Variants in CNTN3 observed in about 807,000 individuals in gnomAD.
CNTN3 encodes contactin-3.
In CNTN3, 60 loss-of-function variants were observed where a neutral mutation model predicts 119.1. That is an observed-to-expected ratio of 0.50 (90% CI 0.41 to 0.62). The LOEUF (loss-of-function observed/expected upper bound fraction) is 0.62, where lower values mean the gene tolerates loss of function less well. Ranked by LOEUF, CNTN3 falls within the 20% of genes least tolerant of loss-of-function variation. CNTN3 has a pLI of 0.00. For synonymous variants in CNTN3, 450 were observed against 438.7 expected (o/e 1.03, Z -0.32); for missense variants, 1,101 against 1,242.4 (o/e 0.89, Z 1.71).
At chr3:74,276,298 T>C (rs1293592719) in intron 20 of CNTN3, among the ~76,000 whole-genome samples, 1 of 152,110 alleles carries the variant, frequency 6.6e-6, no homozygotes, top group Non-Finnish European at 1.5e-5. Context: ...CCTTAACAGA[T>C]ATATACGGAA....
In CNTN3 at chr3:74,330,904, A is replaced by T. The variant is rs557141990; in HGVS notation, c.1668+3831T>A. Reference sequence around the variant, plus strand: ...CCTTATTGACTAAGGATATAAATAAAATATTTTTGTATAGCTGTACAATGT... The same window carrying T: ...CCTTATTGACTAAGGATATAAATAATATATTTTTGTATAGCTGTACAATGT... On this transcript the variant is annotated intron_variant, in intron 13 of 22. Transcript: ENST00000263665. Among the ~76,000 whole-genome samples, 4 of 152,326 alleles carry T rather than the reference A, an allele frequency of 2.6e-5. No homozygotes were observed. The South Asian group carries it at 8.3e-4, about 32-fold the overall frequency.
intron 5 of CNTN3, among the ~76,000 whole-genome samples, chr3:74,386,992 C>G (rs1466639895): frequency 1.3e-5 from 2 of 152,158 alleles, no homozygotes; most frequent in African/African-American, 4.8e-5. Context: ...AAAATGGTGT[C>G]TGAGGCGGCA....
At chr3:74,394,398 C>G (rs1279931966) in intron 5 of CNTN3, among the ~76,000 whole-genome samples, 1 of 152,096 alleles carries the variant, frequency 6.6e-6, no homozygotes, top group Admixed American at 6.5e-5. Flanking sequence ...ACAGAAATAG[C>G]TGACTTAATT....
chr3:74,289,783 A>T (rs1012903073), intron 19 of CNTN3, among the ~76,000 whole-genome samples: 3 of 152,192 alleles, frequency 2.0e-5, no homozygotes, highest in Admixed American at 1.3e-4. Flanking sequence ...CAGTTATTCA[A>T]TCAACATATA....
intron 1 of CNTN3, among the ~76,000 whole-genome samples, chr3:74,603,575 C>A (rs1041375295): frequency 6.6e-6 from 1 of 152,060 alleles, no homozygotes; most frequent in Admixed American, 6.6e-5. Context: ...CCGACTGTTA[C>A]ATTTATACAA....
chr3:74,491,650 T>G (rs1702966726), intron 3 of CNTN3, among the ~76,000 whole-genome samples: 1 of 152,188 alleles, frequency 6.6e-6, no homozygotes, highest in Non-Finnish European at 1.5e-5. Flanking sequence ...CTGGGCTTCA[T>G]GAACACAACA....
chr3:74,267,329 T>A lies in CNTN3; in HGVS notation c.2754A>T (p.Lys918Asn), dbSNP rs1290980503. 7.4e-6 allele frequency: 12 copies of A among 1,613,416 alleles called. No homozygotes were observed. The highest frequency in any genetic ancestry group is 1.3e-5 in the African/African-American group (1 of 74,988). ...TAACTTGCTCCCAATTAAGTAACAC[T>A]TTAGTGTCTGTGGCATTCCAAACAA... Reference protein sequence around the residue: ...GNVVWNATDTKVLLNWEQVKA... With the variant: ...GNVVWNATDTNVLLNWEQVKA... The change falls in exon 21 of 23, where the codon AAA becomes AAT. Residue 918 changes from lysine (K) to asparagine (N), a missense_variant. By Grantham distance (94) the Lys-to-Asn change is moderately conservative. Coordinates refer to ENST00000263665, the MANE Select transcript of CNTN3 (RefSeq NM_020872.3).
chr3:74,346,361 G>T lies in CNTN3; in HGVS notation c.1365-9703C>A, dbSNP rs768682001. On this transcript the variant is annotated intron_variant, in intron 11 of 22. Coordinates refer to ENST00000263665, the MANE Select transcript of CNTN3 (RefSeq NM_020872.3). ...TAATCTCTCTTCTTTTCCAAAACAGGATAGATTTTTATATATTCCTTCTCA... is the reference window on the plus strand; with the variant it reads ...TAATCTCTCTTCTTTTCCAAAACAGTATAGATTTTTATATATTCCTTCTCA... Among the ~76,000 whole-genome samples the T allele has an allele frequency of 4.6e-5, 7 of 151,848 alleles. No homozygotes were observed. In the South Asian group the frequency reaches 1.0e-3, roughly 23 times the overall value.
intron 1 of CNTN3, among the ~76,000 whole-genome samples, chr3:74,600,424 G>T (rs1350701746): frequency 6.6e-6 from 1 of 152,016 alleles, no homozygotes; most frequent in Non-Finnish European, 1.5e-5. Context: ...AATGAAAAAT[G>T]CACTGCTTCT....
In CNTN3 at chr3:74,349,789, G is replaced by A. The variant is rs190657995; in HGVS notation, c.1364+12101C>T. ...TTGGTCTATGGTTAAATGCATGTGG[G>A]ATTTTTGGGCCTGAGTGAGAAATGC... is the stretch of plus-strand genomic sequence containing the variant. On this transcript the variant is annotated intron_variant, in intron 11 of 22. Transcript: ENST00000263665. 4.9e-4 allele frequency among the ~76,000 whole-genome samples: 74 copies of A among 152,310 alleles called. No individual in the cohort carries two copies. In the East Asian group the frequency reaches 0.011, roughly 23 times the overall value.
Position 74,551,316 on chromosome 3 carries a change from A to T in CNTN3, c.-80-30124T>A, listed in dbSNP as rs547027835. 5.9e-5 allele frequency among the ~76,000 whole-genome samples: 9 copies of T among 152,258 alleles called. No homozygotes were observed. In the East Asian group the frequency reaches 1.7e-3, roughly 29 times the overall value. Reference sequence around the variant, plus strand: ...AAGAGGTATAGGGTCACTTTTTATTAATAGGTTTTATTTTTAGTGGAGTGT... The same window carrying T: ...AAGAGGTATAGGGTCACTTTTTATTTATAGGTTTTATTTTTAGTGGAGTGT... On this transcript the variant is annotated intron_variant, in intron 1 of 22. Transcript: ENST00000263665.
At chr3:74,598,278 C>A (rs1704846327) in intron 1 of CNTN3, among the ~76,000 whole-genome samples, 1 of 151,982 alleles carries the variant, frequency 6.6e-6, no homozygotes, top group Admixed American at 6.6e-5. Context: ...AAGTGAGAGA[C>A]ACCAAGCCAT....
At position 74,565,203 on chromosome 3, in the gene CNTN3, C is replaced by T. The variant is rs530891154; in HGVS notation, c.-80-44011G>A. On this transcript the variant is annotated intron_variant, in intron 1 of 22. Transcript: ENST00000263665. The stretch of plus-strand genomic sequence containing the variant: ...CCTTAGTGTCCAGGAGGTCAGAAGT[C>T]TGAAACTGTCTTCTAGGCAAATTCA... Among the ~76,000 whole-genome samples the T allele has an allele frequency of 4.6e-5, 7 of 152,296 alleles. No individual in the cohort carries two copies. In the South Asian group the frequency reaches 1.4e-3, roughly 32 times the overall value.
At chr3:74,479,515 A>G (rs1190295056) in intron 4 of CNTN3, among the ~76,000 whole-genome samples, 1 of 152,180 alleles carries the variant, frequency 6.6e-6, no homozygotes, top group Non-Finnish European at 1.5e-5. Context: ...CATATTATTC[A>G]TACTAAGTTA....
At chr3:74,301,367 TA>T in intron 16 of CNTN3, 30 bp downstream of exon 16, 1 of 1,602,306 alleles carries the variant, frequency 6.2e-7, no homozygotes, top group East Asian at 2.2e-5. Context: ...AGAAATCTAT[TA>T]ATCCATTACT....
intron 4 of CNTN3, among the ~76,000 whole-genome samples, chr3:74,454,138 G>C (rs573709340): frequency 1.6e-5 from 2 of 124,412 alleles, no homozygotes; most frequent in East Asian, 4.5e-4. Flanking sequence ...ATTAATGTGT[G>C]GGAGTCTAAG....
intron 1 of CNTN3, among the ~76,000 whole-genome samples, chr3:74,588,145 G>A (rs935187446): frequency 3.3e-5 from 5 of 152,060 alleles, no homozygotes; most frequent in Non-Finnish European, 7.4e-5. Flanking sequence ...ACTTGACCAT[G>A]GTGGATAAGC....
At chr3:74,265,718 A>G (rs998581014) in intron 22 of CNTN3, among the ~76,000 whole-genome samples, 1 of 152,168 alleles carries the variant, frequency 6.6e-6, no homozygotes, top group Admixed American at 6.6e-5. Flanking sequence ...ATTAAAGACA[A>G]AAGTTTCAGT....
intron 3 of CNTN3, among the ~76,000 whole-genome samples, chr3:74,495,942 A>G (rs9310299): frequency 0.029 from 4,479 of 152,138 alleles, 197 homozygotes; most frequent in African/African-American, 0.1. Flanking sequence ...GCATTTATAG[A>G]AAAGAGTTGT....
Sources: gnomAD v4.1 joint callset for allele counts (sites outside exome capture counted in the v4.1 genomes callset) on GRCh38, gnomAD v4.1.1 for gene constraint, MANE v1.5 for transcripts, NCBI Gene and HGNC (gene_info 2026-07-23, HGNC 2026-07-21) for gene names.